Variants in SULT1B1 observed in about 807,000 individuals in gnomAD.
SULT1B1 encodes the protein sulfotransferase family 1B member 1, also known as sulfotransferase 1B1.
A neutral mutation model predicts 34.6 loss-of-function variants in SULT1B1; 28 were observed. The ratio of observed to expected loss-of-function variants is 0.81; its 90% CI spans 0.60 to 1.11. The LOEUF (loss-of-function observed/expected upper bound fraction) is 1.11. Ranked by LOEUF, SULT1B1 falls within the 50% of genes least tolerant of loss-of-function variation. The pLI is 0.00. For synonymous variants in SULT1B1, 147 were observed against 110.2 expected, an observed-to-expected ratio of 1.33 and a Z score of -2.09; for missense variants, 374 against 352.2, an observed-to-expected ratio of 1.06 and a Z score of -0.50.
chr4:69,733,790 T>C (rs893671258), intron 5 of SULT1B1, among the ~76,000 whole-genome samples: 1 of 152,176 alleles, frequency 6.6e-6, no homozygotes, highest in African/African-American at 2.4e-5. Context: ...AAAGTACTCA[T>C]ATCAACTATT....
chr4:69,754,864 T>C (rs1719128859), intron 2 of SULT1B1, 66 bp from the exon 3 acceptor site: 1 of 1,536,320 alleles, frequency 6.5e-7, no homozygotes. Flanking sequence ...GAAGAATTTA[T>C]TGGAAACACT....
intron 2 of SULT1B1, 47 bp downstream of exon 2, chr4:69,755,023 A>G (rs1198452859): frequency 2.0e-6 from 3 of 1,508,794 alleles, no homozygotes; most frequent in Non-Finnish European, 2.7e-6. Context: ...ATTTCCAGGA[A>G]ACAAAAAATG....
chr4:69,744,244 G>A (rs1184944705), intron 4 of SULT1B1, among the ~76,000 whole-genome samples: 2 of 152,174 alleles, frequency 1.3e-5, no homozygotes, highest in Non-Finnish European at 2.9e-5. Context: ...GAGTGCCAGG[G>A]GTGGACTCTA....
In SULT1B1 at chr4:69,723,749, A is replaced by T. The variant is rs1184302593; in HGVS notation, c.*3339T>A. 2.6e-5 allele frequency: 4 copies of T among 152,230 alleles called. No individual in the cohort carries two copies. The highest frequency in any genetic ancestry group is 1.5e-5 in the Non-Finnish European group (1 of 68,032). The allele number at this position is 152,230 out of a possible 1,614,324, so 9.4% of individuals were successfully genotyped here. On this transcript the variant is annotated 3_prime_UTR_variant, in exon 8 of 8. Coordinates refer to ENST00000310613, the MANE Select transcript of SULT1B1 (RefSeq NM_014465.4). ...TGCAAATCAATAAATGTAATCCAGC[A>T]TATAAACAGAACCAAAGACAAAAAC...
At chr4:69,743,431 A>C (rs1718628124) in intron 4 of SULT1B1, among the ~76,000 whole-genome samples, 2 of 152,142 alleles carry the variant, frequency 1.3e-5, no homozygotes, top group Admixed American at 1.3e-4. Context: ...GTCCATGGGC[A>C]GCCATGGGTG....
intron 4 of SULT1B1, among the ~76,000 whole-genome samples, chr4:69,747,311 C>A (rs986738728): frequency 6.6e-6 from 1 of 152,228 alleles, no homozygotes; most frequent in South Asian, 2.1e-4. Flanking sequence ...TGAATCTGCA[C>A]CAGTAGGGAT....
chr4:69,735,684 A>C (rs760742143), intron 4 of SULT1B1, among the ~76,000 whole-genome samples: 10 of 152,246 alleles, frequency 6.6e-5, no homozygotes, highest in Non-Finnish European at 1.3e-4. Flanking sequence ...CAGCAGCCCC[A>C]GAAATCAAAT....
At chr4:69,747,195 C>T (rs868738225) in intron 4 of SULT1B1, among the ~76,000 whole-genome samples, 2 of 152,128 alleles carry the variant, frequency 1.3e-5, no homozygotes, top group South Asian at 4.1e-4. Context: ...AAGCAGGGAG[C>T]CAGAGGCACT....
intron 3 of SULT1B1, among the ~76,000 whole-genome samples, chr4:69,752,755 A>G (rs896591937): frequency 4.6e-5 from 7 of 152,214 alleles, no homozygotes; most frequent in Non-Finnish European, 1.0e-4. Flanking sequence ...GGGCACCTCC[A>G]TTATAGAAGA....
At chr4:69,752,589 T>A (rs1381852373) in intron 3 of SULT1B1, among the ~76,000 whole-genome samples, 1 of 152,232 alleles carries the variant, frequency 6.6e-6, no homozygotes, top group Non-Finnish European at 1.5e-5. Flanking sequence ...GGATTTTATA[T>A]TTGTAACTTT....
At position 69,722,966 on chromosome 4, in the gene SULT1B1, T is replaced by G. The variant is rs1273255131; in HGVS notation, c.*4122A>C. The G allele has an allele frequency of 6.6e-6, 1 of 151,894 alleles. No individual in the cohort carries two copies. The highest frequency in any genetic ancestry group is 1.5e-5 in the Non-Finnish European group (1 of 67,982). 9.4% of individuals were successfully genotyped at this position (151,894 alleles called of 1,614,324 possible). On this transcript the variant is annotated 3_prime_UTR_variant, in exon 8 of 8. Coordinates refer to ENST00000310613, the MANE Select transcript of SULT1B1 (RefSeq NM_014465.4). Reference sequence around the variant, plus strand: ...GTGATATGATCTCAGGAAAAAGACTTTGCTGCACATGGGGATATAAACAAC... The same window carrying G: ...GTGATATGATCTCAGGAAAAAGACTGTGCTGCACATGGGGATATAAACAAC...
At chr4:69,739,208 G>A (rs144030611) in intron 4 of SULT1B1, among the ~76,000 whole-genome samples, 1 of 152,132 alleles carries the variant, frequency 6.6e-6, no homozygotes, top group Non-Finnish European at 1.5e-5. Context: ...ACTAGGTGAT[G>A]CCCCAGTAGG....
At chr4:69,743,817 C>T (rs1025868257) in intron 4 of SULT1B1, among the ~76,000 whole-genome samples, 2 of 152,152 alleles carry the variant, frequency 1.3e-5, no homozygotes, top group African/African-American at 2.4e-5. Flanking sequence ...GTTCCGCGAG[C>T]GGGTAGTGGC....
chr4:69,755,010 T>C (rs1560531881), intron 2 of SULT1B1, 60 bp downstream of exon 2: 1 of 1,431,866 alleles, frequency 7.0e-7, no homozygotes, highest in East Asian at 2.3e-5. Flanking sequence ...TATGGACAAG[T>C]TGATTTCCAG....
intron 1 of SULT1B1, among the ~76,000 whole-genome samples, chr4:69,759,209 T>A (rs148492900): frequency 2.4e-3 from 358 of 152,288 alleles, no homozygotes; most frequent in African/African-American, 8.4e-3. Context: ...AGGAAACAGA[T>A]CTTCAGAGCG....
chr4:69,728,858 T>C (rs188233555), intron 7 of SULT1B1, among the ~76,000 whole-genome samples: 1 of 152,004 alleles, frequency 6.6e-6, no homozygotes. Context: ...GGTTAATTAA[T>C]GTATTCAGGG....
Position 69,734,183 on chromosome 4 carries a change from G to C in SULT1B1, c.457C>G (p.Pro153Ala). Residue 153 changes from proline (P) to alanine (A), a missense_variant, in exon 5 of 8, where the codon CCT (proline) becomes GCT (alanine). Pro to Ala is a conservative substitution (Grantham distance 27, BLOSUM62 -1). Coordinates refer to ENST00000310613, the MANE Select transcript of SULT1B1 (RefSeq NM_014465.4). ...TCCAGATATTCTTCCCAGGTACCAG[G>C]AAAAGGCTGTAAATTATTCATTAAG... ...FDLMNNLQPFPGTWEEYLEKF... is the reference protein window; with the variant it reads ...FDLMNNLQPFAGTWEEYLEKF... 1.9e-6 allele frequency: 3 copies of C among 1,610,874 alleles called. No homozygotes were observed. The highest frequency in any genetic ancestry group is 1.7e-6 in the Non-Finnish European group (2 of 1,178,516).
At position 69,760,545 on chromosome 4, in the gene SULT1B1, C is replaced by T. The variant is rs1322676484; in HGVS notation, c.-131G>A. 1 of 151,924 alleles carries T rather than the reference C, an allele frequency of 6.6e-6. No homozygotes were observed. The highest frequency in any genetic ancestry group is 1.5e-5 in the Non-Finnish European group (1 of 68,014). The allele number at this position is 151,924 out of a possible 1,614,324, so 9.4% of individuals were successfully genotyped here. ...CCATGGGAAACGGTGGTGGTTCTGG[C>T]AGGCAATGGGGAGCACAGGAAGGCT... On this transcript the variant is annotated 5_prime_UTR_variant, in exon 1 of 8. Coordinates refer to ENST00000310613, the MANE Select transcript of SULT1B1 (RefSeq NM_014465.4).
intron 1 of SULT1B1, among the ~76,000 whole-genome samples, chr4:69,756,811 G>T (rs563855013): frequency 2.6e-5 from 4 of 152,254 alleles, no homozygotes; most frequent in African/African-American, 9.6e-5. Context: ...CAGACAGGAA[G>T]AATTCCTCTT....
Sources: allele counts gnomAD v4.1 joint callset (sites outside exome capture counted in the v4.1 genomes callset), GRCh38; gene constraint gnomAD v4.1.1; transcripts MANE v1.5; gene names NCBI Gene and HGNC (gene_info 2026-07-23, HGNC 2026-07-21).